Variants in TMEM184B observed in about 807,000 individuals in gnomAD.
TMEM184B encodes transmembrane protein 184B.
TMEM184B carries 17 observed loss-of-function variants against 41.8 expected under a neutral mutation model. The observed-to-expected ratio is 0.41, with a 90% CI of 0.28 to 0.61. The LOEUF (loss-of-function observed/expected upper bound fraction) is 0.61. Among genes scored for constraint, TMEM184B ranks in the 20% least tolerant of loss-of-function variants. The pLI is 0.34. For missense variants in TMEM184B, 393 were observed against 557.8 expected (o/e 0.70, Z 2.98); for synonymous variants, 240 against 229.5 (o/e 1.05, Z -0.41).
At chr22:38,217,334 A>AAATTAGCCGGGCATGGTGGCGGG (rs1569002053), downstream of TMEM184B, among the ~76,000 whole-genome samples, 1 of 87,316 alleles carries the variant, frequency 1.1e-5, no homozygotes, top group Non-Finnish European at 2.1e-5. Flanking sequence ...AATACAAAAA[A>AAATTAGCCGGGCATGGTGGCGGG]CAACAACAAC....
intron 1 of TMEM184B, among the ~76,000 whole-genome samples, chr22:38,252,130 G>A (rs2092179112): frequency 6.6e-6 from 1 of 150,688 alleles, no homozygotes; most frequent in Non-Finnish European, 1.5e-5. Context: ...CATGACCTTA[G>A]CTCATTACAA....
Position 38,272,735 on chromosome 22 carries a change from C to T in TMEM184B, c.-59+149G>A, listed in dbSNP as rs2092544147. On this transcript the variant is annotated intron_variant, in intron 1 of 8. Coordinates refer to ENST00000361906, the MANE Select transcript of TMEM184B (RefSeq NM_012264.5). ...GATGCCCCCTCCCTCCGCGGCCGCACCGGCCTCCGTAGTGCCCTCCCCGCC... is the reference window on the plus strand; with the variant it reads ...GATGCCCCCTCCCTCCGCGGCCGCATCGGCCTCCGTAGTGCCCTCCCCGCC... The T allele has an allele frequency of 3.0e-6, 3 of 985,276 alleles. No individual in the cohort carries two copies. In the South Asian group the frequency reaches 1.4e-4, roughly 46 times the overall value. 61.0% of individuals were successfully genotyped at this position (985,276 alleles called of 1,614,324 possible).
Position 38,219,891 on chromosome 22 carries a change from T to C in TMEM184B, c.*1578A>G, listed in dbSNP as rs2091212911. 1.0e-6 allele frequency: 1 copy of C among 984,826 alleles called. No individual in the cohort carries two copies. Among genetic ancestry groups the C allele is most frequent in the Non-Finnish European group, 1.2e-6 (1 of 829,782 alleles). 61.0% of individuals were successfully genotyped at this position (984,826 alleles called of 1,614,324 possible). On this transcript the variant is annotated 3_prime_UTR_variant, in exon 9 of 9. Coordinates refer to ENST00000361906, the MANE Select transcript of TMEM184B (RefSeq NM_012264.5). ...GGAGAGCTGGCCTCTGGCACCCACA[T>C]GCAGGCCTCTGCCACGAGGAAAGGA...
At chr22:38,254,750 T>A (rs1379907447) in intron 1 of TMEM184B, among the ~76,000 whole-genome samples, 2 of 151,728 alleles carry the variant, frequency 1.3e-5, no homozygotes, top group Admixed American at 1.3e-4. Context: ...ATACTGACAA[T>A]ATCAAATGCT....
At chr22:38,272,467 C>T (rs947277126) in intron 1 of TMEM184B, 122 of 985,416 alleles carry the variant, frequency 1.2e-4, no homozygotes, top group African/African-American at 1.4e-4. Flanking sequence ...TCACTGCCAC[C>T]CGCACAGGGC....
At chr22:38,264,203 G>A (rs981869478) in intron 1 of TMEM184B, among the ~76,000 whole-genome samples, 8 of 152,160 alleles carry the variant, frequency 5.3e-5, no homozygotes, top group Non-Finnish European at 1.0e-4. Flanking sequence ...AACCCACACC[G>A]GCCCCAACTC....
chr22:38,240,147 G>A (rs2091871464), intron 3 of TMEM184B, among the ~76,000 whole-genome samples: 2 of 151,952 alleles, frequency 1.3e-5, no homozygotes, highest in East Asian at 1.9e-4. Context: ...TTTGAGGAGC[G>A]CTTCTAACAA....
downstream of TMEM184B, chr22:38,216,597 G>A (rs34066050): frequency 0.43 from 69,016 of 158,876 alleles, 16,857 homozygotes; most frequent in Non-Finnish European, 0.53. Context: ...GTGGCGGGGA[G>A]GGCTAGTGCA....
intron 3 of TMEM184B, among the ~76,000 whole-genome samples, chr22:38,243,048 C>CAA (rs11394732): frequency 0.4 from 33,247 of 84,110 alleles, 5,532 homozygotes; most frequent in Admixed American, 0.45. Context: ...GCAACGGTCT[C>CAA]AAAAAAAAAA....
At chr22:38,232,966 C>T (rs1029956617) in intron 3 of TMEM184B, among the ~76,000 whole-genome samples, 1 of 152,176 alleles carries the variant, frequency 6.6e-6, no homozygotes, top group Admixed American at 6.5e-5. Flanking sequence ...ACCCACGGAA[C>T]CTGATTTGCA....
downstream of TMEM184B, chr22:38,216,508 T>C (rs944278696): frequency 6.6e-6 from 1 of 150,830 alleles, no homozygotes; most frequent in Non-Finnish European, 1.6e-5. Flanking sequence ...CCACAGAGAA[T>C]AAATGTGTAT....
Position 38,226,048 on chromosome 22 carries a change from T to C in TMEM184B, c.618-455A>G, listed in dbSNP as rs1319412987. ...TCACAGACAGTGTGTGCCGAGAGCT[T>C]GAAAGCACAGGGCTAGACACATGGT... On this transcript the variant is annotated intron_variant, in intron 6 of 8. Transcript: ENST00000361906. This position sits in a 1 kb window ranked among gnomAD's most constrained non-coding sequence, Gnocchi z 4.6. Among the ~76,000 whole-genome samples, 1 of 151,796 alleles carries C rather than the reference T, an allele frequency of 6.6e-6. No homozygotes were observed. Among genetic ancestry groups the C allele is most frequent in the Non-Finnish European group, 1.5e-5 (1 of 67,982 alleles).
intron 5 of TMEM184B, among the ~76,000 whole-genome samples, chr22:38,228,326 G>A (rs1277741820): frequency 6.6e-6 from 1 of 152,186 alleles, no homozygotes; most frequent in Non-Finnish European, 1.5e-5. Context: ...AGCTCACCTG[G>A]TACTCATGAC....
chr22:38,249,485 G>A (rs1189263778), intron 1 of TMEM184B, among the ~76,000 whole-genome samples: 2 of 152,098 alleles, frequency 1.3e-5, no homozygotes, highest in Admixed American at 6.5e-5. Context: ...TCCAAAGATC[G>A]TGAGGTGCCT....
intron 1 of TMEM184B, among the ~76,000 whole-genome samples, chr22:38,257,889 C>T (rs1002565604): frequency 4.6e-5 from 7 of 152,190 alleles, no homozygotes; most frequent in Non-Finnish European, 1.0e-4. Flanking sequence ...CCAAGGCTTC[C>T]TAATGGCTGC....
intron 3 of TMEM184B, among the ~76,000 whole-genome samples, chr22:38,243,376 G>T (rs930711807): frequency 2.0e-5 from 3 of 152,176 alleles, no homozygotes; most frequent in African/African-American, 7.2e-5. Context: ...CTGTCTTTGG[G>T]GTCCCGCCGA....
At chr22:38,270,011 T>C (rs1157767040) in intron 1 of TMEM184B, among the ~76,000 whole-genome samples, 2 of 152,130 alleles carry the variant, frequency 1.3e-5, no homozygotes, top group African/African-American at 4.8e-5. Context: ...TTCCAGAAAC[T>C]TTCAAGGCCT....
intron 3 of TMEM184B, among the ~76,000 whole-genome samples, chr22:38,234,964 A>T (rs1421290124): frequency 6.6e-6 from 1 of 152,162 alleles, no homozygotes; most frequent in Non-Finnish European, 1.5e-5. Context: ...AGAGCCTTAG[A>T]TGAGCTGAGG....
Position 38,224,832 on chromosome 22 carries a change from T to G in TMEM184B, c.935A>C (p.His312Pro). The G allele has an allele frequency of 6.2e-7, 1 of 1,613,408 alleles. No individual in the cohort carries two copies. The highest frequency in any genetic ancestry group is 8.5e-7 in the Non-Finnish European group (1 of 1,179,706). ...AGCATAGACCTTGTAGGTGAAGGCG[T>G]GCCGCAGGGCCAGGGCTGCAAAGAA... ...EMFFAALALR[H>P]AFTYKVYADK... The change falls in exon 8 of 9, where the codon CAC becomes CCC. Residue 312 changes from histidine (H) to proline (P), a missense_variant. By Grantham distance (77) the His-to-Pro change is moderately conservative (BLOSUM62 -2). Around this residue, in one of 2 missense-constraint regions of TMEM184B, gnomAD observed 271 missense variants for 434.1 expected, o/e 0.62. Coordinates refer to ENST00000361906, the MANE Select transcript of TMEM184B (RefSeq NM_012264.5).
Sources: gnomAD v4.1 joint callset for allele counts (sites outside exome capture counted in the v4.1 genomes callset) on GRCh38, gnomAD v4.1.1 for gene constraint, gnomAD v4.1.1 regional missense constraint, Gnocchi (gnomAD v3.1) non-coding constraint, MANE v1.5 for transcripts, NCBI Gene and HGNC (gene_info 2026-07-23, HGNC 2026-07-21) for gene names.